Variants in GPHN observed in about 807,000 individuals in gnomAD.
GPHN encodes gephyrin.
GPHN carries 17 observed loss-of-function variants against 95.5 expected under a neutral mutation model. That is an observed-to-expected ratio of 0.18 (90% CI 0.12 to 0.27). GPHN has a LOEUF of 0.27. Ranked by LOEUF, GPHN falls within the 10% of genes least tolerant of loss-of-function variation. GPHN has a pLI of 1.00. For synonymous variants in GPHN, 320 were observed against 322.5 expected, an observed-to-expected ratio of 0.99 and a Z score of 0.08; for missense variants, 660 against 978.1, an observed-to-expected ratio of 0.67 and a Z score of 4.34.
chr14:67,037,644 G>A (rs2153634277), intron 10 of GPHN, among the ~76,000 whole-genome samples: 1 of 151,852 alleles, frequency 6.6e-6, no homozygotes, highest in Non-Finnish European at 1.5e-5. Context: ...GAAAGGACTT[G>A]AATAGACATA....
chr14:67,471,818 C>T, the GPHN span: 2 of 152,388 alleles, frequency 1.3e-5, no homozygotes, highest in African/African-American at 2.4e-5. Flanking sequence ...AGGACATTCT[C>T]TCCACAGGTG....
At chr14:67,049,604 C>T (rs1044788821) in intron 10 of GPHN, among the ~76,000 whole-genome samples, 2 of 151,776 alleles carry the variant, frequency 1.3e-5, no homozygotes, top group Non-Finnish European at 2.9e-5. Flanking sequence ...CCTCCGCCTC[C>T]TGGGTTCAAG....
rs2067989061 is a variant in GPHN at position 66,949,941 on chromosome 14, AT to A, written c.829-15247del. Among the ~76,000 whole-genome samples, 4 of 140,178 alleles carry A rather than the reference AT, an allele frequency of 2.9e-5. No homozygotes were observed. The South Asian group carries it at 8.9e-4, about 31-fold the overall frequency. The allele number at this position is 140,178 out of a possible 152,430, so 92.0% of individuals were successfully genotyped here. ...TCTGATTTTTATAATGTAACTCTCC[AT>A]TTCTTCTTTTAAAAGTGCCTGCCCA... On this transcript the variant is annotated intron_variant, in intron 8 of 22. Coordinates refer to ENST00000478722, the MANE Select transcript of GPHN (RefSeq NM_020806.5).
chr14:67,431,545 A>G, the GPHN span, among the ~76,000 whole-genome samples: 1 of 151,952 alleles, frequency 6.6e-6, no homozygotes, highest in Non-Finnish European at 1.5e-5. Context: ...TTTAAAAATT[A>G]GCCCAGTGTT....
the GPHN span, among the ~76,000 whole-genome samples, chr14:67,700,342 T>C: frequency 1.3e-5 from 2 of 152,110 alleles, no homozygotes; most frequent in Admixed American, 1.3e-4. Context: ...TCAAGTTATA[T>C]TGGAGGAAAA....
the GPHN span, among the ~76,000 whole-genome samples, chr14:67,483,647 A>C: frequency 6.6e-6 from 1 of 152,220 alleles, no homozygotes; most frequent in Non-Finnish European, 1.5e-5. Context: ...GGACCATGAC[A>C]GCAACCAACC....
At chr14:66,646,473 G>T (rs1317107934) in intron 1 of GPHN, among the ~76,000 whole-genome samples, 1 of 151,946 alleles carries the variant, frequency 6.6e-6, no homozygotes, top group Non-Finnish European at 1.5e-5. Context: ...TTGAAGGTAG[G>T]GTCTCAAAGA....
At chr14:67,685,162 T>G in the GPHN span, 1 of 1,614,152 alleles carries the variant, frequency 6.2e-7, no homozygotes, top group South Asian at 1.1e-5. Flanking sequence ...CAGTTCAGAT[T>G]GGACTGTGCC....
At chr14:66,932,455 T>TTTTGTTTTG (rs1567118379) in intron 8 of GPHN, among the ~76,000 whole-genome samples, 2 of 112,252 alleles carry the variant, frequency 1.8e-5, no homozygotes, top group Non-Finnish European at 3.9e-5. Context: ...TTTTTTTTTT[T>TTTTGTTTTG]TTTTTTTTTT....
At chr14:67,324,591 C>T in the GPHN span, among the ~76,000 whole-genome samples, 13 of 151,758 alleles carry the variant, frequency 8.6e-5, no homozygotes, top group African/African-American at 2.4e-4. Flanking sequence ...TTGTTTTGGT[C>T]GTTGCTGTTT....
intron 1 of GPHN, chr14:66,509,241 G>C (rs965720384): frequency 6.5e-6 from 1 of 152,784 alleles, no homozygotes; most frequent in Non-Finnish European, 1.5e-5. Flanking sequence ...GCCTTTCCGC[G>C]CAAAAGGCCC....
At chr14:67,312,236 AAC>A in the GPHN span, 122 of 192,058 alleles carry the variant, frequency 6.4e-4, 5 homozygotes, top group South Asian at 0.018. Context: ...ATTGCCCAAA[AAC>A]ACTGTTACTT....
At chr14:66,675,048 A>G (rs2153387757) in intron 1 of GPHN, among the ~76,000 whole-genome samples, 2 of 151,078 alleles carry the variant, frequency 1.3e-5, no homozygotes, top group Admixed American at 1.3e-4. Flanking sequence ...GTTTTGATTT[A>G]TGTTTCCCTG....
intron 10 of GPHN, among the ~76,000 whole-genome samples, chr14:67,040,481 C>CTT (rs1430822940): frequency 1.3e-5 from 2 of 152,094 alleles, no homozygotes; most frequent in Non-Finnish European, 2.9e-5. Context: ...TGCCACAATA[C>CTT]TATTATGTAA....
At chr14:66,898,965 T>C (rs1328707264) in intron 5 of GPHN, among the ~76,000 whole-genome samples, 3 of 151,904 alleles carry the variant, frequency 2.0e-5, no homozygotes, top group Non-Finnish European at 4.4e-5. Flanking sequence ...TTTAATTGTG[T>C]TTTCAGTTAT....
chr14:67,660,627 C>G, the GPHN span, among the ~76,000 whole-genome samples: 1 of 152,168 alleles, frequency 6.6e-6, no homozygotes, highest in African/African-American at 2.4e-5. Context: ...GTCTCCATGT[C>G]AGAGAGAACA....
At chr14:66,697,157 TG>T (rs1196323361) in intron 2 of GPHN, among the ~76,000 whole-genome samples, 1 of 152,220 alleles carries the variant, frequency 6.6e-6, no homozygotes, top group African/African-American at 2.4e-5. Flanking sequence ...AGTATTAGTA[TG>T]TTTTGTTGAC....
the GPHN span, among the ~76,000 whole-genome samples, chr14:67,701,425 C>CTTTTTTTTTTTTT: frequency 1.4e-5 from 1 of 71,126 alleles, no homozygotes; most frequent in Non-Finnish European, 2.8e-5. Flanking sequence ...ATTATAATTT[C>CTTTTTTTTTTTTT]TTTTTTTTTT....
intron 2 of GPHN, among the ~76,000 whole-genome samples, chr14:66,745,407 T>C (rs1257509681): frequency 2.0e-5 from 3 of 152,224 alleles, no homozygotes; most frequent in Admixed American, 6.5e-5. Context: ...ACTCTTATCA[T>C]ATGCTGGAAA....
Sources: allele counts gnomAD v4.1 joint callset (sites outside exome capture counted in the v4.1 genomes callset), GRCh38; gene constraint gnomAD v4.1.1; transcripts MANE v1.5; gene names NCBI Gene and HGNC (gene_info 2026-07-23, HGNC 2026-07-21).